ITGA9: variants seen among roughly 807,000 people sequenced by gnomAD.
ITGA9 encodes the protein integrin subunit alpha 9.
In ITGA9, 56 loss-of-function variants were observed where a neutral mutation model predicts 127.8. The ratio of observed to expected loss-of-function variants is 0.44; its 90% confidence interval spans 0.35 to 0.55. The LOEUF (loss-of-function observed/expected upper bound fraction) is 0.55. Among genes scored for constraint, ITGA9 ranks in the 20% least tolerant of loss-of-function variants. ITGA9 has a pLI of 0.00. For missense variants in ITGA9, 1,196 were observed against 1,347.1 expected (o/e 0.89, Z 1.76); for synonymous variants, 508 against 514.5 (o/e 0.99, Z 0.17).
chr3:37,753,762 T>C (rs1289483979), intron 23 of ITGA9: 1 of 152,246 alleles, frequency 6.6e-6, no homozygotes, highest in African/African-American at 2.4e-5. Flanking sequence ...TCCTACCTGC[T>C]GACTTAGGCA....
At chr3:37,539,904 C>T (rs956110706) in intron 14 of ITGA9, among the ~76,000 whole-genome samples, 1 of 152,136 alleles carries the variant, frequency 6.6e-6, no homozygotes, top group African/African-American at 2.4e-5. Flanking sequence ...AGCTGGGGCC[C>T]TGCATTATGG....
intron 15 of ITGA9, among the ~76,000 whole-genome samples, chr3:37,617,584 T>C (rs11719202): frequency 0.13 from 19,990 of 152,230 alleles, 1,759 homozygotes; most frequent in East Asian, 0.28. Flanking sequence ...ATTTTCCCCG[T>C]CACTTTCAGG....
chr3:37,516,158 C>G (rs1698981971), intron 9 of ITGA9, among the ~76,000 whole-genome samples: 1 of 152,182 alleles, frequency 6.6e-6, no homozygotes, highest in Non-Finnish European at 1.5e-5. Context: ...AGAACTCCCC[C>G]AGGCCTCCAC....
intron 17 of ITGA9, among the ~76,000 whole-genome samples, chr3:37,660,004 G>GCA (rs1215246041): frequency 0.011 from 1,089 of 98,590 alleles, 14 homozygotes; most frequent in African/African-American, 0.04. Flanking sequence ...ACACACACAC[G>GCA]CACACACACA....
intron 1 of ITGA9, among the ~76,000 whole-genome samples, chr3:37,457,287 G>T (rs1374607842): frequency 6.6e-6 from 1 of 152,168 alleles, no homozygotes; most frequent in African/African-American, 2.4e-5. Context: ...AAAATTGTGG[G>T]GTTCTAGTTG....
In ITGA9 at chr3:37,648,627, T is replaced by C. The variant is rs548872989; in HGVS notation, c.1840-5087T>C. Among the ~76,000 whole-genome samples, 19 of 152,064 alleles carry C rather than the reference T, an allele frequency of 1.2e-4. No individual in the cohort carries two copies. The East Asian group carries it at 3.7e-3, about 30-fold the overall frequency. ...GGGTGACAGAGTGAGACCCTGTCTCTAATAAATTAATAAAATAAAATTTAA... is the reference window on the plus strand; with the variant it reads ...GGGTGACAGAGTGAGACCCTGTCTCCAATAAATTAATAAAATAAAATTTAA... On this transcript the variant is annotated intron_variant, in intron 16 of 27. Transcript: ENST00000264741.
intron 15 of ITGA9, among the ~76,000 whole-genome samples, chr3:37,555,029 G>A (rs939297600): frequency 7.2e-4 from 110 of 152,298 alleles, no homozygotes; most frequent in East Asian, 3.9e-4. Flanking sequence ...AGATAGAGAA[G>A]AGAGGGGGAC....
chr3:37,619,071 A>G lies in ITGA9; in HGVS notation c.1690-10116A>G, dbSNP rs1027348844. Among the ~76,000 whole-genome samples the G allele has an allele frequency of 2.0e-5, 3 of 152,198 alleles. No individual in the cohort carries two copies. In the East Asian group the frequency reaches 5.8e-4, roughly 29 times the overall value. On this transcript the variant is annotated intron_variant, in intron 15 of 27. Coordinates refer to ENST00000264741, the MANE Select transcript of ITGA9 (RefSeq NM_002207.3). ...GTGTCACTCATGCTGGGAGCAGTAG[A>G]CTGGAGCTGTTCCTATTTGGCCGTC...
chr3:37,558,221 C>G lies in ITGA9; in HGVS notation c.1689+15636C>G, dbSNP rs1699449768. ...TTTGATCTTCCCTGCCTGTCTGTGG[C>G]CTCTGCAGTTTAAACAATGACTGTC... is the stretch of plus-strand genomic sequence containing the variant. On this transcript the variant is annotated intron_variant, in intron 15 of 27. Coordinates refer to ENST00000264741, the MANE Select transcript of ITGA9 (RefSeq NM_002207.3). Among the ~76,000 whole-genome samples the G allele has an allele frequency of 2.0e-5, 3 of 152,176 alleles. No homozygotes were observed. The South Asian group carries it at 6.2e-4, about 32-fold the overall frequency.
intron 15 of ITGA9, among the ~76,000 whole-genome samples, chr3:37,562,550 A>G (rs1176474953): frequency 1.3e-5 from 2 of 152,224 alleles, no homozygotes; most frequent in African/African-American, 2.4e-5. Flanking sequence ...GTGGTAGGGA[A>G]GATGCCCACG....
intron 15 of ITGA9, among the ~76,000 whole-genome samples, chr3:37,607,279 A>G (rs1699977846): frequency 6.6e-6 from 1 of 152,146 alleles, no homozygotes. Context: ...CCATCATCCT[A>G]TCTCAGGAGG....
chr3:37,702,724 A>G (rs1199526885), intron 18 of ITGA9, among the ~76,000 whole-genome samples: 1 of 152,082 alleles, frequency 6.6e-6, no homozygotes, highest in Non-Finnish European at 1.5e-5. Flanking sequence ...GGAGCTGCTA[A>G]CCCTCATCTT....
At chr3:37,466,471 A>G in intron 1 of ITGA9, among the ~76,000 whole-genome samples, 1 of 137,574 alleles carries the variant, frequency 7.3e-6, no homozygotes, top group African/African-American at 2.8e-5. Context: ...GTAACAGAGC[A>G]AGACACCATC....
intron 1 of ITGA9, among the ~76,000 whole-genome samples, chr3:37,453,028 C>G (rs1349541751): frequency 6.6e-6 from 1 of 152,146 alleles, no homozygotes; most frequent in Non-Finnish European, 1.5e-5. Flanking sequence ...GGAGTATAGC[C>G]TCTCCAGCGC....
chr3:37,571,183 A>C (rs1449471400), intron 15 of ITGA9, among the ~76,000 whole-genome samples: 1 of 151,098 alleles, frequency 6.6e-6, no homozygotes, highest in Non-Finnish European at 1.5e-5. Context: ...GCTAGGGTCC[A>C]ACTCAGGGCA....
rs1697491011 is a variant in ITGA9, at chr3:37,819,832, A to G, written c.*843A>G. ...ATGTGGTCATCTGGTAAACCTCAGA[A>G]TGGCGTCTCATCCTGGACATCCTGC... On this transcript the variant is annotated 3_prime_UTR_variant, in exon 28 of 28. Transcript: ENST00000264741. 6.6e-6 allele frequency: 1 copy of G among 152,234 alleles called. No individual in the cohort carries two copies. The highest frequency in any genetic ancestry group is 2.1e-4 in the South Asian group (1 of 4,822). The allele number at this position is 152,234 out of a possible 1,614,324, so 9.4% of individuals were successfully genotyped here.
At chr3:37,650,567 G>T (rs1173177735) in intron 16 of ITGA9, among the ~76,000 whole-genome samples, 1 of 152,082 alleles carries the variant, frequency 6.6e-6, no homozygotes, top group Non-Finnish European at 1.5e-5. Context: ...AAGTAGCTGG[G>T]ATTACAGGCA....
intron 23 of ITGA9, among the ~76,000 whole-genome samples, chr3:37,770,877 C>T (rs1696834405): frequency 6.6e-6 from 1 of 152,220 alleles, no homozygotes; most frequent in African/African-American, 2.4e-5. Flanking sequence ...ACAGCTTCCC[C>T]AGTCACCACC....
Position 37,523,545 on chromosome 3 carries a change from C to T in ITGA9, c.1261C>T (p.Pro421Ser). 1.9e-6 allele frequency: 3 copies of T among 1,613,904 alleles called. No individual in the cohort carries two copies. Among genetic ancestry groups the T allele is most frequent in the Non-Finnish European group, 8.5e-7 (1 of 1,179,862 alleles). ...GAAACTGTCTGGGCAGAAGATAAAT[C>T]CAGTGCTCCGGATGTTTGGTCAGTC... ...SMKLSGQKIN[P>S]VLRMFGQSIS... The change falls in exon 12 of 28, where the codon CCA (proline) becomes TCA (serine). Residue 421 changes from proline (P) to serine (S), a missense_variant. By Grantham distance (74) the Pro-to-Ser change is moderately conservative. Coordinates refer to ENST00000264741, the MANE Select transcript of ITGA9 (RefSeq NM_002207.3).
Sources: gnomAD v4.1 joint callset for allele counts (sites outside exome capture counted in the v4.1 genomes callset) on GRCh38, gnomAD v4.1.1 for gene constraint, MANE v1.5 for transcripts, NCBI Gene and HGNC (gene_info 2026-07-23, HGNC 2026-07-21) for gene names.